The following CDH22 variants were observed in gnomAD, a reference collection of about 807,000 sequenced individuals.
CDH22 encodes the protein cadherin 22, also known as cadherin-22.
CDH22 carries 30 observed loss-of-function variants against 58.4 expected under a neutral mutation model. The observed-to-expected ratio is 0.51, with a 90% CI of 0.38 to 0.70. The LOEUF (loss-of-function observed/expected upper bound fraction) is 0.70, where lower values mean the gene tolerates loss of function less well. Among genes scored for constraint, CDH22 ranks in the 30% least tolerant of loss-of-function variants. The pLI is 0.00. For missense variants in CDH22, 1,014 were observed against 1,233.9 expected, an observed-to-expected ratio of 0.82 and a Z score of 2.67; for synonymous variants, 513 against 558.2, an observed-to-expected ratio of 0.92 and a Z score of 1.14.
intron 3 of CDH22, among the ~76,000 whole-genome samples, chr20:46,233,525 C>A (rs2145718520): frequency 6.6e-6 from 1 of 152,318 alleles, no homozygotes; most frequent in Non-Finnish European, 1.5e-5. Flanking sequence ...GATTCAATTC[C>A]ATTCATTCTC....
intron 8 of CDH22, among the ~76,000 whole-genome samples, chr20:46,191,377 A>G (rs1277514528): frequency 6.6e-6 from 1 of 152,058 alleles, no homozygotes; most frequent in African/African-American, 2.4e-5. Context: ...CCCAGCCCCT[A>G]CTAGAGTTAC....
At chr20:46,222,492 A>T (rs1181371456) in intron 4 of CDH22, among the ~76,000 whole-genome samples, 1 of 152,196 alleles carries the variant, frequency 6.6e-6, no homozygotes, top group African/African-American at 2.4e-5. Context: ...CTCCCTGTAA[A>T]ATGGATGACT....
chr20:46,210,416 C>T lies in CDH22; in HGVS notation c.1177G>A (p.Glu393Lys), dbSNP rs2086033437. 6.9e-7 allele frequency: 1 copy of T among 1,458,784 alleles called. No individual in the cohort carries two copies. Among genetic ancestry groups the T allele is most frequent in the Non-Finnish European group, 9.0e-7 (1 of 1,105,546 alleles). The allele number at this position is 1,458,784 out of a possible 1,614,324, so 90.4% of individuals were successfully genotyped here. A position where few individuals can be genotyped will look rare whatever the true frequency, so the allele number is the denominator to read the frequency against. The change falls in exon 7 of 12, where the codon GAG becomes AAG. Residue 393 changes from glutamate (E) to lysine (K), a missense_variant. Glu to Lys is a moderately conservative substitution (Grantham distance 56). This residue lies in a region of CDH22 where 806 missense variants were observed against 1,038.7 expected (regional missense o/e 0.78). Transcript: ENST00000537909. The surrounding 1 kb of genome is among the most constrained non-coding windows in gnomAD (Gnocchi z 4.5). ...VAVTDVDEPPEFRPPSGLLEV... is the reference protein window; with the variant it reads ...VAVTDVDEPPKFRPPSGLLEV... ...AGGAGGCCGGAGGGCGGCCGGAACT[C>T]GGGGGGCTCGTCCACGTCGGTCACG...
intron 2 of CDH22, among the ~76,000 whole-genome samples, chr20:46,248,277 C>T (rs190486788): frequency 2.9e-4 from 44 of 152,248 alleles, no homozygotes; most frequent in African/African-American, 9.1e-4. Flanking sequence ...AGTCAGCAGC[C>T]GGTTTTCTCA....
chr20:46,194,065 T>A (rs528787927), intron 8 of CDH22, among the ~76,000 whole-genome samples: 29 of 152,248 alleles, frequency 1.9e-4, no homozygotes, highest in Admixed American at 3.3e-4. Context: ...TGGGAAGGGT[T>A]TTCTGGCCCT....
intron 1 of CDH22, among the ~76,000 whole-genome samples, chr20:46,257,196 C>G (rs1221052931): frequency 6.6e-6 from 1 of 151,964 alleles, no homozygotes; most frequent in Non-Finnish European, 1.5e-5. Context: ...GTAGTCCCAG[C>G]TACTCAGGAG....
At chr20:46,229,297 C>G (rs555023036) in intron 3 of CDH22, among the ~76,000 whole-genome samples, 2 of 148,576 alleles carry the variant, frequency 1.3e-5, no homozygotes, top group Admixed American at 6.7e-5. Flanking sequence ...TGGCCCCCCC[C>G]CCCAATTTTA....
At chr20:46,304,986 C>T (rs112640440) in intron 1 of CDH22, among the ~76,000 whole-genome samples, 2,119 of 152,270 alleles carry the variant, frequency 0.014, 38 homozygotes, top group African/African-American at 0.046. Context: ...TTTCAGTCCC[C>T]GCTCTCCTCC....
chr20:46,277,598 A>G (rs1600724756), intron 1 of CDH22, among the ~76,000 whole-genome samples: 2 of 151,658 alleles, frequency 1.3e-5, no homozygotes, highest in Non-Finnish European at 2.9e-5. Context: ...GTGGTCAGAG[A>G]GGTGGGAGGA....
chr20:46,295,173 C>T (rs909217100), intron 1 of CDH22, among the ~76,000 whole-genome samples: 28 of 152,196 alleles, frequency 1.8e-4, no homozygotes, highest in African/African-American at 6.0e-4. Context: ...CTGCAGAGGC[C>T]GCCTCTCCAT....
chr20:46,236,598 A>G (rs2086254487), intron 3 of CDH22, among the ~76,000 whole-genome samples: 1 of 143,056 alleles, frequency 7.0e-6, no homozygotes, highest in African/African-American at 2.6e-5. Flanking sequence ...TATATAATAT[A>G]TTATATATAG....
intron 8 of CDH22, among the ~76,000 whole-genome samples, chr20:46,193,084 C>G (rs1381439445): frequency 6.6e-6 from 1 of 152,102 alleles, no homozygotes; most frequent in Admixed American, 6.5e-5. Context: ...AGCAGGGACC[C>G]TGAAATCATA....
chr20:46,239,052 G>C (rs917611065), intron 3 of CDH22, among the ~76,000 whole-genome samples: 18 of 152,164 alleles, frequency 1.2e-4, no homozygotes, highest in Admixed American at 4.6e-4. Flanking sequence ...CTTCCCCCCA[G>C]GGCCCATGCT....
At chr20:46,265,276 C>T (rs926708649) in intron 1 of CDH22, among the ~76,000 whole-genome samples, 2 of 152,192 alleles carry the variant, frequency 1.3e-5, no homozygotes, top group East Asian at 1.9e-4. Context: ...AGGCCCTTCT[C>T]CCTCCAAACC....
chr20:46,192,397 G>T (rs997964082), intron 8 of CDH22, among the ~76,000 whole-genome samples: 1 of 152,170 alleles, frequency 6.6e-6, no homozygotes, highest in African/African-American at 2.4e-5. Context: ...ACAGTCTAGT[G>T]CTGGGACCCT....
At chr20:46,240,687 G>C (rs926541990) in intron 3 of CDH22, among the ~76,000 whole-genome samples, 1 of 152,152 alleles carries the variant, frequency 6.6e-6, no homozygotes, top group Admixed American at 6.5e-5. Flanking sequence ...GGGTGTGGCT[G>C]TATGAGCATG....
chr20:46,301,664 G>T (rs1341205623), intron 1 of CDH22, among the ~76,000 whole-genome samples: 1 of 151,764 alleles, frequency 6.6e-6, no homozygotes, highest in African/African-American at 2.4e-5. Flanking sequence ...TACAAAAATT[G>T]GCCGGGTGTT....
chr20:46,212,989 C>T lies in CDH22; in HGVS notation c.1032+6G>A. 1 of 1,613,340 alleles carries T rather than the reference C, an allele frequency of 6.2e-7. No individual in the cohort carries two copies. The highest frequency in any genetic ancestry group is 8.5e-7 in the Non-Finnish European group (1 of 1,179,420). ...GCCTCCCCCATTCCTCCTGAGGCAG[C>T]TGCACCTTCTGCACTACGATGATGG... On this transcript the variant is annotated splice_donor_region_variant and intron_variant, in intron 6 of 11. Coordinates refer to ENST00000537909, the MANE Select transcript of CDH22 (RefSeq NM_021248.3).
chr20:46,199,698 A>T, intron 7 of CDH22, 139 bp from the exon 8 acceptor site: 1 of 1,084,990 alleles, frequency 9.2e-7, no homozygotes, highest in South Asian at 1.7e-5. Flanking sequence ...CTTGCGACCG[A>T]GGAGGAGCGG....
Sources: allele counts gnomAD v4.1 joint callset (sites outside exome capture counted in the v4.1 genomes callset), GRCh38; gene constraint gnomAD v4.1.1; regional missense constraint gnomAD v4.1.1; non-coding constraint Gnocchi (gnomAD v3.1); transcripts MANE v1.5; gene names NCBI Gene and HGNC (gene_info 2026-07-23, HGNC 2026-07-21).